The following LARGE1 variants were observed in gnomAD, a reference collection of about 807,000 sequenced individuals.
LARGE1 encodes xylosyl- and glucuronyltransferase LARGE1.
In LARGE1, 43 loss-of-function variants were observed where a neutral mutation model predicts 87.6. The observed-to-expected ratio is 0.49, with a 90% CI of 0.38 to 0.63. The LOEUF is 0.63. LARGE1 is among the 30% of genes least tolerant of loss of function. The pLI, the probability that LARGE1 is intolerant of heterozygous loss-of-function variation, is 0.00. For synonymous variants in LARGE1, 434 were observed against 394.6 expected (o/e 1.10, Z -1.18); for missense variants, 802 against 1,000.2 (o/e 0.80, Z 2.67).
At chr22:33,748,023 G>GAAAAAAAAA (rs2084158889) in intron 2 of LARGE1, among the ~76,000 whole-genome samples, 1 of 24,180 alleles carries the variant, frequency 4.1e-5, no homozygotes, top group Non-Finnish European at 6.2e-5. Flanking sequence ...CTCTGCTGGA[G>GAAAAAAAAA]CAAAAAAAAA....
chr22:33,633,082 A>G (rs929146580), intron 3 of LARGE1, among the ~76,000 whole-genome samples: 1 of 152,206 alleles, frequency 6.6e-6, no homozygotes, highest in Admixed American at 6.5e-5. Context: ...GAAAAGATTC[A>G]TAACATTGAT....
chr22:33,104,318 T>C, the LARGE1 span, among the ~76,000 whole-genome samples: 8 of 152,300 alleles, frequency 5.3e-5, no homozygotes, highest in East Asian at 1.5e-3. Context: ...ACAGATAGGA[T>C]AAGACAGCTC....
intron 1 of LARGE1, among the ~76,000 whole-genome samples, chr22:33,807,863 C>A (rs1229883355): frequency 1.3e-5 from 2 of 152,148 alleles, no homozygotes; most frequent in Admixed American, 1.3e-4. Flanking sequence ...GAATAATATT[C>A]CATTGCCTGG....
chr22:33,710,067 T>G (rs955286884), intron 2 of LARGE1, among the ~76,000 whole-genome samples: 3 of 151,158 alleles, frequency 2.0e-5, no homozygotes, highest in Non-Finnish European at 4.4e-5. Context: ...TGGAAAATGC[T>G]ACTGCCGTTC....
chr22:33,322,639 T>G (rs954649980), intron 10 of LARGE1: 6 of 152,174 alleles, frequency 3.9e-5, no homozygotes, highest in Non-Finnish European at 7.3e-5. Context: ...ACTTCCAAAG[T>G]ACACCTTGCC....
intron 3 of LARGE1, among the ~76,000 whole-genome samples, chr22:33,648,675 T>A (rs1450470599): frequency 6.6e-6 from 1 of 152,136 alleles, no homozygotes; most frequent in African/African-American, 2.4e-5. Flanking sequence ...TACATAGAGA[T>A]ATTAAGTAAC....
chr22:33,413,073 C>T (rs534113225), intron 7 of LARGE1, among the ~76,000 whole-genome samples: 197 of 152,224 alleles, frequency 1.3e-3, no homozygotes, highest in South Asian at 3.1e-3. Flanking sequence ...CACTGCATTT[C>T]TAGACTATTT....
intron 1 of LARGE1, among the ~76,000 whole-genome samples, chr22:33,889,384 A>T (rs552347621): frequency 6.6e-6 from 1 of 152,342 alleles, no homozygotes; most frequent in East Asian, 1.9e-4. Flanking sequence ...TTTTTCAATG[A>T]GAGAAAAGAA....
Position 33,283,514 on chromosome 22 carries a change from G to A in LARGE1, c.1731-166C>T, listed in dbSNP as rs372012443. ...AACTGGGCCAGGTGCGATGGCTCAC[G>A]TCTGTAATCCCAGCCTTTGAGAGGC... On this transcript the variant is annotated intron_variant, in intron 12 of 14. Transcript: ENST00000397394. Among the ~76,000 whole-genome samples the A allele has an allele frequency of 3.3e-5, 5 of 152,274 alleles. No homozygotes were observed. The South Asian group carries it at 8.3e-4, about 25-fold the overall frequency.
In LARGE1 at chr22:33,603,915, T is replaced by C. The variant is rs1486333749; in HGVS notation, c.615+520A>G. On this transcript the variant is annotated intron_variant, in intron 5 of 14. Coordinates refer to ENST00000397394, the MANE Select transcript of LARGE1 (RefSeq NM_133642.5). The stretch of plus-strand genomic sequence containing the variant: ...ATAACCTTTAATATTTATTCAGCAG[T>C]GTCTTTTTAAAGCACATTCAAATAT... Among the ~76,000 whole-genome samples the C allele has an allele frequency of 3.3e-5, 5 of 152,214 alleles. No individual in the cohort carries two copies. The South Asian group carries it at 1.0e-3, about 32-fold the overall frequency.
intron 1 of LARGE1, among the ~76,000 whole-genome samples, chr22:33,833,039 G>A (rs2063016689): frequency 6.6e-6 from 1 of 152,182 alleles, no homozygotes. Flanking sequence ...GAGAACTGCA[G>A]GATGCCCCAG....
chr22:33,650,643 C>G lies in LARGE1; in HGVS notation c.132G>C (p.Pro44=). The G allele has an allele frequency of 3.1e-6, 5 of 1,602,088 alleles. No homozygotes were observed. Among genetic ancestry groups the G allele is most frequent in the African/African-American group, 1.3e-5 (1 of 75,020 alleles). The part of the protein sequence containing the change: ...FEDGKPVSLS[P]LESQAHSPRY... ...TGGGGCTGTGTGCCTGGGACTCCAG[C>G]GGTGACAGAGACACGGGCTTTCCAT... The change falls in exon 3 of 15, where the codon CCG becomes CCC. Residue 44 remains proline (P), a synonymous_variant. Transcript: ENST00000397394.
chr22:33,476,331 T>C (rs1032550928), intron 6 of LARGE1, among the ~76,000 whole-genome samples: 14 of 152,212 alleles, frequency 9.2e-5, no homozygotes, highest in Non-Finnish European at 4.4e-5. Context: ...CACTGTAAAT[T>C]GTGTGTTCAG....
At chr22:33,530,253 T>G (rs1422125670) in intron 6 of LARGE1, among the ~76,000 whole-genome samples, 1 of 152,118 alleles carries the variant, frequency 6.6e-6, no homozygotes, top group Non-Finnish European at 1.5e-5. Flanking sequence ...AAAAATCCAA[T>G]GTGCTAAGAA....
At chr22:33,107,688 T>C in the LARGE1 span, among the ~76,000 whole-genome samples, 3 of 151,972 alleles carry the variant, frequency 2.0e-5, no homozygotes, top group Non-Finnish European at 4.4e-5. Flanking sequence ...AACAAAGCAA[T>C]ATCCTGTCTC....
At chr22:33,775,851 T>TAAA (rs35496819) in intron 1 of LARGE1, among the ~76,000 whole-genome samples, 17,642 of 122,010 alleles carry the variant, frequency 0.14, 1,927 homozygotes, top group African/African-American at 0.3. Flanking sequence ...GTCACTGTCT[T>TAAA]AAAAAAAAAA....
chr22:33,592,112 AGAGGGAGG>A (rs1224012569), intron 5 of LARGE1, among the ~76,000 whole-genome samples: 1 of 101,734 alleles, frequency 9.8e-6, no homozygotes, highest in Non-Finnish European at 1.9e-5. Flanking sequence ...GAAGGGGGAC[AGAGGGAGG>A]GAGGGAGGGA....
At chr22:33,389,427 G>A (rs766235138) in intron 7 of LARGE1, among the ~76,000 whole-genome samples, 64 of 152,236 alleles carry the variant, frequency 4.2e-4, no homozygotes, top group South Asian at 6.2e-4. Context: ...CAAGGCCCAG[G>A]AGATGATTTT....
chr22:33,618,566 T>C (rs2079648380), intron 4 of LARGE1, among the ~76,000 whole-genome samples: 1 of 152,270 alleles, frequency 6.6e-6, no homozygotes, highest in African/African-American at 2.4e-5. Context: ...ATCTCTTACC[T>C]GTTCAAAGAT....
Sources: gnomAD v4.1 joint callset for allele counts (sites outside exome capture counted in the v4.1 genomes callset) on GRCh38, gnomAD v4.1.1 for gene constraint, MANE v1.5 for transcripts, NCBI Gene and HGNC (gene_info 2026-07-23, HGNC 2026-07-21) for gene names.